Variants in NET1 observed in about 807,000 individuals in gnomAD.
The protein encoded by NET1 is neuroepithelial cell transforming 1.
In NET1, 42 loss-of-function variants were observed where a neutral mutation model predicts 61.1. The observed-to-expected ratio is 0.69, with a 90% CI of 0.54 to 0.89. NET1 has a LOEUF of 0.89. NET1 is among the 40% of genes least tolerant of loss of function. The pLI, the probability that NET1 is intolerant of heterozygous loss-of-function variation, is 0.00. For missense variants in NET1, 654 were observed against 747.3 expected (o/e 0.88, Z 1.46); for synonymous variants, 254 against 281.8 (o/e 0.90, Z 0.99).
rs544640770 is a variant in NET1, at chr10:5,446,775, C to T, written c.256-5055C>T. The stretch of plus-strand genomic sequence containing the variant: ...GGAGTACTTGGGAAGCATGGTGGCA[C>T]ATGATGAGACTGGAGGTCTCCTACC... On this transcript the variant is annotated intron_variant, in intron 3 of 11. Transcript: ENST00000355029. This position sits in a 1 kb window ranked among gnomAD's most constrained non-coding sequence, Gnocchi z 5.0. The T allele has an allele frequency of 5.6e-6, 9 of 1,604,022 alleles. No individual in the cohort carries two copies. In the East Asian group the frequency reaches 2.0e-4, roughly 36 times the overall value.
Position 5,440,065 on chromosome 10 carries a change from C to T in NET1, c.255+10836C>T, listed in dbSNP as rs1409349210. On this transcript the variant is annotated intron_variant, in intron 3 of 11. Transcript: ENST00000355029. The surrounding 1 kb of genome is among the most constrained non-coding windows in gnomAD (Gnocchi z 4.1). ...ATTAAAACTTTTCCAACATGGCAACCTCTGAATTTTTGTGGCATGCGTTTG... is the reference window on the plus strand; with the variant it reads ...ATTAAAACTTTTCCAACATGGCAACTTCTGAATTTTTGTGGCATGCGTTTG... Among the ~76,000 whole-genome samples, 2 of 152,200 alleles carry T rather than the reference C, an allele frequency of 1.3e-5. No homozygotes were observed. Among genetic ancestry groups the T allele is most frequent in the Non-Finnish European group, 2.9e-5 (2 of 68,046 alleles).
rs760986552 is a variant in NET1, at chr10:5,455,010, G to A, written c.1089G>A (p.Gln363=). 1.9e-6 allele frequency: 3 copies of A among 1,614,142 alleles called. No homozygotes were observed. The highest frequency in any genetic ancestry group is 4.5e-5 in the East Asian group (2 of 44,886). The change falls in exon 10 of 12, where the codon CAG becomes CAA. Residue 363 remains glutamine, a synonymous_variant. Transcript: ENST00000355029. This position sits in a 1 kb window ranked among gnomAD's most constrained non-coding sequence, Gnocchi z 6.5. ...TGAAGAAAGGTGAATCCGAGTGCCA[G>A]TATTACATCGACAAGCTGGAGTACC... is the stretch of plus-strand genomic sequence containing the variant. ...INLKKGESEC[Q]YYIDKLEYLD...
chr10:5,412,900 A>T lies in NET1; in HGVS notation c.128+80A>T. The T allele has an allele frequency of 2.2e-6, 1 of 462,884 alleles. No individual in the cohort carries two copies. The highest frequency in any genetic ancestry group is 2.7e-6 in the Non-Finnish European group (1 of 368,458). The allele number at this position is 462,884 out of a possible 1,614,324, so 28.7% of individuals were successfully genotyped here. A position where few individuals can be genotyped will look rare whatever the true frequency, so the allele number is the denominator to read the frequency against. On this transcript the variant is annotated intron_variant, in intron 1 of 11. Transcript: ENST00000355029. This position sits in a 1 kb window ranked among gnomAD's most constrained non-coding sequence, Gnocchi z 6.5. ...GCCGAACGGGAGGTGAGTGTTGGAGAGGCAAGGGCCGGGGGGAGGGGAGGG... is the reference window on the plus strand; with the variant it reads ...GCCGAACGGGAGGTGAGTGTTGGAGTGGCAAGGGCCGGGGGGAGGGGAGGG...
chr10:5,429,267 A>T (rs745751527), intron 3 of NET1, 38 bp downstream of exon 3: 1 of 1,398,606 alleles, frequency 7.1e-7, no homozygotes, highest in Non-Finnish European at 1.0e-6. Context: ...AGCATTTAAA[A>T]ATATGCAGAT....
In NET1 at chr10:5,437,522, T is replaced by C. The variant is rs542346104; in HGVS notation, c.255+8293T>C. ...AGGGACCATGTTTGTGTCTCTATTA[T>C]AGATGTTTAGAAGTGGGTTGCAAGT... On this transcript the variant is annotated intron_variant, in intron 3 of 11. Coordinates refer to ENST00000355029, the MANE Select transcript of NET1 (RefSeq NM_001047160.3). This position sits in a 1 kb window ranked among gnomAD's most constrained non-coding sequence, Gnocchi z 4.3. Among the ~76,000 whole-genome samples, 129 of 152,340 alleles carry C rather than the reference T, an allele frequency of 8.5e-4. 1 individual carries two copies. Among genetic ancestry groups the C allele is most frequent in the South Asian group, 2.7e-3 (13 of 4,828 alleles).
rs1357226045 is a variant in NET1, at chr10:5,451,663, C to T, written c.256-167C>T. On this transcript the variant is annotated intron_variant, in intron 3 of 11. Transcript: ENST00000355029. The surrounding 1 kb of genome is among the most constrained non-coding windows in gnomAD (Gnocchi z 6.1). ...TATTTTTTGAAAAGTTACTGCTACT[C>T]AATAGAGTTCTTATTGTTTTGACAA... Among the ~76,000 whole-genome samples the T allele has an allele frequency of 1.3e-5, 2 of 152,134 alleles. No individual in the cohort carries two copies. Among genetic ancestry groups the T allele is most frequent in the Admixed American group, 6.5e-5 (1 of 15,278 alleles).
At chr10:5,432,376 A>C (rs1241180799) in intron 3 of NET1, among the ~76,000 whole-genome samples, 1 of 152,232 alleles carries the variant, frequency 6.6e-6, no homozygotes, top group African/African-American at 2.4e-5. Flanking sequence ...TTTGATTTAT[A>C]CTACAGTTCA....
rs1481280406 is a variant in NET1, at chr10:5,452,564, C to T, written c.531+39C>T. On this transcript the variant is annotated intron_variant, in intron 5 of 11. Transcript: ENST00000355029. This position sits in a 1 kb window ranked among gnomAD's most constrained non-coding sequence, Gnocchi z 4.0. ...CAGTGTACATGTTTTCCCAAAAGAA[C>T]AGCAAATTGATGCCGATGGCAAAAT... 1.3e-6 allele frequency: 2 copies of T among 1,564,826 alleles called. No individual in the cohort carries two copies. The highest frequency in any genetic ancestry group is 3.9e-5 in the Admixed American group (2 of 51,918).
rs1310753226 is a variant in NET1 at position 5,435,636 on chromosome 10, C to T, written c.255+6407C>T. Among the ~76,000 whole-genome samples the T allele has an allele frequency of 6.6e-6, 1 of 152,026 alleles. No homozygotes were observed. The highest frequency in any genetic ancestry group is 6.6e-5 in the Admixed American group (1 of 15,266). On this transcript the variant is annotated intron_variant, in intron 3 of 11. Coordinates refer to ENST00000355029, the MANE Select transcript of NET1 (RefSeq NM_001047160.3). The surrounding 1 kb of genome is among the most constrained non-coding windows in gnomAD (Gnocchi z 5.0). Reference sequence around the variant, plus strand: ...TACAGGTCAAATGAATGACATAAGACCTTGGACTTACATAAGCATATAACA... The same window carrying T: ...TACAGGTCAAATGAATGACATAAGATCTTGGACTTACATAAGCATATAACA...
Position 5,444,946 on chromosome 10 carries a change from T to G in NET1, c.256-6884T>G, listed in dbSNP as rs1416245213. ...TGCACTAACAGTTACCCCTCCTATT[T>G]AAAGAATTGTAGGCGTCTGTGACTT... is the stretch of plus-strand genomic sequence containing the variant. On this transcript the variant is annotated intron_variant, in intron 3 of 11. Transcript: ENST00000355029. The surrounding 1 kb of genome is among the most constrained non-coding windows in gnomAD (Gnocchi z 5.3). Among the ~76,000 whole-genome samples, 1 of 152,254 alleles carries G rather than the reference T, an allele frequency of 6.6e-6. No individual in the cohort carries two copies. The highest frequency in any genetic ancestry group is 2.4e-5 in the African/African-American group (1 of 41,472).
chr10:5,452,154 C>G lies in NET1; in HGVS notation c.364-204C>G, dbSNP rs1182639816. ...TAATTTGCATCTTATAATGCATAGT[C>G]TTGGCTAGTTTTTATTCCCAAAAAT... On this transcript the variant is annotated intron_variant, in intron 4 of 11. Coordinates refer to ENST00000355029, the MANE Select transcript of NET1 (RefSeq NM_001047160.3). This position sits in a 1 kb window ranked among gnomAD's most constrained non-coding sequence, Gnocchi z 4.0. 6.6e-6 allele frequency among the ~76,000 whole-genome samples: 1 copy of G among 152,026 alleles called. No homozygotes were observed. Among genetic ancestry groups the G allele is most frequent in the East Asian group, 1.9e-4 (1 of 5,198 alleles).
chr10:5,431,113 C>T lies in NET1; in HGVS notation c.255+1884C>T, dbSNP rs1473893996. On this transcript the variant is annotated intron_variant, in intron 3 of 11. Coordinates refer to ENST00000355029, the MANE Select transcript of NET1 (RefSeq NM_001047160.3). The surrounding 1 kb of genome is among the most constrained non-coding windows in gnomAD (Gnocchi z 4.9). ...GTCTCGATCTCCTGACCTCGTGATC[C>T]GCCTGCCTCGGCCTCCCAAAGTGCT... 2.0e-5 allele frequency among the ~76,000 whole-genome samples: 3 copies of T among 151,548 alleles called. No individual in the cohort carries two copies. Among genetic ancestry groups the T allele is most frequent in the Non-Finnish European group, 4.4e-5 (3 of 67,854 alleles).
Position 5,454,621 on chromosome 10 carries a change from T to C in NET1, c.1026+99T>C. On this transcript the variant is annotated intron_variant, in intron 9 of 11. Coordinates refer to ENST00000355029, the MANE Select transcript of NET1 (RefSeq NM_001047160.3). The surrounding 1 kb of genome is among the most constrained non-coding windows in gnomAD (Gnocchi z 8.1). ...AAGATGCTGATTCACATCAGCATAG[T>C]GAATTGTTTTGTTGTTTTAAGTACC... The C allele has an allele frequency of 7.2e-7, 1 of 1,393,622 alleles. No individual in the cohort carries two copies. The highest frequency in any genetic ancestry group is 1.4e-5 in the African/African-American group (1 of 69,452). The allele number at this position is 1,393,622 out of a possible 1,614,324, so 86.3% of individuals were successfully genotyped here.
At chr10:5,432,173 G>A (rs1399029505) in intron 3 of NET1, among the ~76,000 whole-genome samples, 1 of 152,192 alleles carries the variant, frequency 6.6e-6, no homozygotes, top group African/African-American at 2.4e-5. Context: ...TACTGGATTG[G>A]TCATTGTTGA....
Position 5,458,469 on chromosome 10 carries a change from C to T in NET1, c.*1475C>T, listed in dbSNP as rs1010132185. 6.6e-6 allele frequency: 1 copy of T among 152,086 alleles called. No individual in the cohort carries two copies. The highest frequency in any genetic ancestry group is 1.5e-5 in the Non-Finnish European group (1 of 67,946). The allele number at this position is 152,086 out of a possible 1,614,324, so 9.4% of individuals were successfully genotyped here. On this transcript the variant is annotated 3_prime_UTR_variant, in exon 12 of 12. Transcript: ENST00000355029. This position sits in a 1 kb window ranked among gnomAD's most constrained non-coding sequence, Gnocchi z 4.5. ...AAAAAAAAGCACACACATAATCACC[C>T]TGAAGGTTTCTTGCCTGGTGGCTAT...
Position 5,427,924 on chromosome 10 carries a change from C to T in NET1, c.195+1203C>T, listed in dbSNP as rs1832282603. Among the ~76,000 whole-genome samples the T allele has an allele frequency of 6.6e-6, 1 of 151,918 alleles. No homozygotes were observed. The highest frequency in any genetic ancestry group is 2.4e-5 in the African/African-American group (1 of 41,340). On this transcript the variant is annotated intron_variant, in intron 2 of 11. Coordinates refer to ENST00000355029, the MANE Select transcript of NET1 (RefSeq NM_001047160.3). This position sits in a 1 kb window ranked among gnomAD's most constrained non-coding sequence, Gnocchi z 4.1. ...TCAACTTGTACACAAAATCTTGGTT[C>T]AGATAGCTTTTCTGACTTCACAACC... is the stretch of plus-strand genomic sequence containing the variant.
Position 5,427,665 on chromosome 10 carries a change from C to T in NET1, c.195+944C>T, listed in dbSNP as rs549998653. On this transcript the variant is annotated intron_variant, in intron 2 of 11. Coordinates refer to ENST00000355029, the MANE Select transcript of NET1 (RefSeq NM_001047160.3). The surrounding 1 kb of genome is among the most constrained non-coding windows in gnomAD (Gnocchi z 4.1). ...GTAAAATATTTCTTGAGTTCCAACA[C>T]CTCCATTCTGATATATATTGTTCTT... Among the ~76,000 whole-genome samples, 3 of 152,252 alleles carry T rather than the reference C, an allele frequency of 2.0e-5. No individual in the cohort carries two copies. Among genetic ancestry groups the T allele is most frequent in the Admixed American group, 6.5e-5 (1 of 15,294 alleles).
rs1251382651 is a variant in NET1 at position 5,424,597 on chromosome 10, T to C, written c.129-2058T>C. ...ATGGAATAATCAGCTTCTTAGATTG[T>C]TTTGCGCCACTAAAGAGGCCGTCAA... On this transcript the variant is annotated intron_variant, in intron 1 of 11. Coordinates refer to ENST00000355029, the MANE Select transcript of NET1 (RefSeq NM_001047160.3). This position sits in a 1 kb window ranked among gnomAD's most constrained non-coding sequence, Gnocchi z 6.1. Among the ~76,000 whole-genome samples the C allele has an allele frequency of 6.6e-6, 1 of 152,224 alleles. No individual in the cohort carries two copies. The highest frequency in any genetic ancestry group is 1.5e-5 in the Non-Finnish European group (1 of 68,036).
chr10:5,431,465 C>T lies in NET1; in HGVS notation c.255+2236C>T, dbSNP rs1001174300. 6.6e-6 allele frequency among the ~76,000 whole-genome samples: 1 copy of T among 151,642 alleles called. No homozygotes were observed. Among genetic ancestry groups the T allele is most frequent in the East Asian group, 1.9e-4 (1 of 5,152 alleles). ...CTGTGATGCTCTCAAAATGGATGCT[C>T]ATTGCCTACATGCATTTTTTTCTTG... On this transcript the variant is annotated intron_variant, in intron 3 of 11. Transcript: ENST00000355029. The surrounding 1 kb of genome is among the most constrained non-coding windows in gnomAD (Gnocchi z 4.9).
Sources: gnomAD v4.1 joint callset for allele counts (sites outside exome capture counted in the v4.1 genomes callset) on GRCh38, gnomAD v4.1.1 for gene constraint, Gnocchi (gnomAD v3.1) non-coding constraint, MANE v1.5 for transcripts, NCBI Gene and HGNC (gene_info 2026-07-23, HGNC 2026-07-21) for gene names.